Variants in RERE observed in about 807,000 individuals in gnomAD.
RERE encodes the protein arginine-glutamic acid dipeptide repeats.
RERE carries 40 observed loss-of-function variants against 146.1 expected under a neutral mutation model. The observed-to-expected ratio is 0.27, with a 90% CI of 0.21 to 0.36. The LOEUF (loss-of-function observed/expected upper bound fraction) is 0.36, where lower values mean the gene tolerates loss of function less well. Ranked by LOEUF, RERE falls within the 10% of genes least tolerant of loss-of-function variation. RERE has a pLI of 1.00. For synonymous variants in RERE, 1,003 were observed against 866.0 expected (o/e 1.16, Z -2.78); for missense variants, 1,933 against 2,138.7 (o/e 0.90, Z 1.90).
chr1:8,564,202 G>A (rs928235959), intron 4 of RERE, among the ~76,000 whole-genome samples: 2 of 152,300 alleles, frequency 1.3e-5, no homozygotes, highest in Admixed American at 6.5e-5. Context: ...ATTCTTCAAA[G>A]ATCAAAGCTA....
At chr1:8,431,006 G>A (rs1161926582) in intron 11 of RERE, among the ~76,000 whole-genome samples, 6 of 152,130 alleles carry the variant, frequency 3.9e-5, no homozygotes, top group Non-Finnish European at 8.8e-5. Context: ...AGCCACACTG[G>A]GTAGGCCCCT....
intron 7 of RERE, among the ~76,000 whole-genome samples, chr1:8,530,322 C>G (rs1303558296): frequency 6.6e-6 from 1 of 152,196 alleles, no homozygotes; most frequent in Non-Finnish European, 1.5e-5. Context: ...AAAAAAACCA[C>G]TTTGTCCACT....
At chr1:8,440,705 G>A (rs1644235147) in intron 11 of RERE, among the ~76,000 whole-genome samples, 2 of 148,476 alleles carry the variant, frequency 1.3e-5, no homozygotes, top group African/African-American at 5.0e-5. Context: ...GGCCAACATG[G>A]TGAAACCTCG....
At chr1:8,514,939 G>T (rs1211276832) in intron 7 of RERE, among the ~76,000 whole-genome samples, 3 of 152,140 alleles carry the variant, frequency 2.0e-5, no homozygotes, top group African/African-American at 7.2e-5. Context: ...TAACATTTCA[G>T]CACTTACTAT....
intron 4 of RERE, among the ~76,000 whole-genome samples, chr1:8,605,745 C>CAAAAAAAAAAAAAA (rs564574812): frequency 6.8e-4 from 44 of 64,536 alleles, no homozygotes; most frequent in African/African-American, 2.7e-3. Context: ...ACCCCATCTC[C>CAAAAAAAAAAAAAA]AAAAAAAAAA....
chr1:8,375,868 C>G (rs1171454405), intron 12 of RERE, among the ~76,000 whole-genome samples: 2 of 152,266 alleles, frequency 1.3e-5, no homozygotes, highest in Non-Finnish European at 2.9e-5. Context: ...CAACATTTTA[C>G]TATGAAATCT....
intron 7 of RERE, among the ~76,000 whole-genome samples, chr1:8,540,313 T>C (rs1256688360): frequency 6.6e-6 from 1 of 152,108 alleles, no homozygotes; most frequent in Non-Finnish European, 1.5e-5. Context: ...TTTGCCTAGC[T>C]AGGCTGGTCT....
At chr1:8,650,706 A>G (rs557407681) in intron 2 of RERE, among the ~76,000 whole-genome samples, 135 of 152,084 alleles carry the variant, frequency 8.9e-4, no homozygotes, top group South Asian at 2.5e-3. Flanking sequence ...AGACCATCCT[A>G]GCCAACATGG....
At chr1:8,532,010 G>C (rs183411549) in intron 7 of RERE, among the ~76,000 whole-genome samples, 1 of 152,290 alleles carries the variant, frequency 6.6e-6, no homozygotes, top group East Asian at 1.9e-4. Context: ...ATAATGCATT[G>C]TATGCCTGTA....
chr1:8,730,337 TTTTTTGTTTTTG>T (rs769311690), intron 1 of RERE, among the ~76,000 whole-genome samples: 2 of 152,134 alleles, frequency 1.3e-5, no homozygotes, highest in Admixed American at 6.5e-5. Flanking sequence ...TTTTGGGGTT[TTTTTTGTTTTTG>T]TTTTTGTTTT....
At chr1:8,463,304 ATT>A (rs1644549903) in intron 11 of RERE, among the ~76,000 whole-genome samples, 1 of 152,170 alleles carries the variant, frequency 6.6e-6, no homozygotes, top group Non-Finnish European at 1.5e-5. Context: ...CTGCCAAGAC[ATT>A]TTTCAAACCA....
At position 8,609,520 on chromosome 1, in the gene RERE, G is replaced by GCAAT. The variant is rs765502134; in HGVS notation, c.522+5037_522+5040dup. On this transcript the variant is annotated intron_variant, in intron 4 of 22. Transcript: ENST00000400908. ...CTTTCACTAAAATCAAATATAAAAA[G>GCAAT]CAATCTCTCATGATCTTTATCGATG... is the stretch of plus-strand genomic sequence containing the variant. 3.3e-5 allele frequency among the ~76,000 whole-genome samples: 5 copies of GCAAT among 152,206 alleles called. 1 individual carries two copies. The South Asian group carries it at 1.0e-3, about 32-fold the overall frequency.
intron 4 of RERE, among the ~76,000 whole-genome samples, chr1:8,560,586 C>G (rs1346149161): frequency 6.6e-6 from 1 of 152,138 alleles, no homozygotes; most frequent in Non-Finnish European, 1.5e-5. Context: ...TTCTCCCAAT[C>G]TCCCCTTTTC....
rs868366669 is a variant in RERE, at chr1:8,771,534, A to C, written c.-145+45626T>G. On this transcript the variant is annotated intron_variant, in intron 1 of 22. Transcript: ENST00000400908. ...GAGAAACTTGTTTCAAAAAAAAAAAAAAAACTATTAGGAACTTCTATTTGC... is the reference window on the plus strand; with the variant it reads ...GAGAAACTTGTTTCAAAAAAAAAAACAAAACTATTAGGAACTTCTATTTGC... 4.1e-3 allele frequency among the ~76,000 whole-genome samples: 626 copies of C among 151,604 alleles called. 5 individuals carry two copies. Among genetic ancestry groups the C allele is most frequent in the African/African-American group, 0.014 (592 of 41,330 alleles).
intron 1 of RERE, among the ~76,000 whole-genome samples, chr1:8,693,166 C>T (rs1330467474): frequency 1.3e-5 from 2 of 152,174 alleles, no homozygotes; most frequent in Admixed American, 1.3e-4. Flanking sequence ...GCTAGAGACA[C>T]CTCGCAAGAC....
chr1:8,501,920 C>A (rs1645167358), intron 8 of RERE, among the ~76,000 whole-genome samples: 7 of 95,162 alleles, frequency 7.4e-5, no homozygotes, highest in Admixed American at 9.7e-5. Context: ...CCAGCCGCCC[C>A]GTCCGGGAGG....
At chr1:8,582,094 T>C (rs1646373466) in intron 4 of RERE, among the ~76,000 whole-genome samples, 1 of 152,156 alleles carries the variant, frequency 6.6e-6, no homozygotes, top group Admixed American at 6.5e-5. Context: ...ATAACAAAAA[T>C]AATCATATAA....
intron 12 of RERE, 34 bp downstream of exon 12, chr1:8,422,693 A>C: frequency 6.6e-7 from 1 of 1,506,282 alleles, no homozygotes. Flanking sequence ...CAAAGAGGAA[A>C]AAATCAAGTT....
At chr1:8,436,940 T>C (rs1292291833) in intron 11 of RERE, among the ~76,000 whole-genome samples, 8 of 152,220 alleles carry the variant, frequency 5.3e-5, no homozygotes, top group African/African-American at 1.9e-4. Context: ...AGGTCTAGAA[T>C]AATCCTAACT....
Sources: gnomAD v4.1 joint callset for allele counts (sites outside exome capture counted in the v4.1 genomes callset) on GRCh38, gnomAD v4.1.1 for gene constraint, MANE v1.5 for transcripts, NCBI Gene and HGNC (gene_info 2026-07-23, HGNC 2026-07-21) for gene names.